Variants in CDH12 observed in about 807,000 individuals in gnomAD.
The protein encoded by CDH12 is cadherin 12, also known as cadherin-12.
In CDH12, 41 loss-of-function variants were observed where a neutral mutation model predicts 74.1. That is an observed-to-expected ratio of 0.55 (90% confidence interval 0.43 to 0.72). The LOEUF is 0.72. Ranked by LOEUF, CDH12 falls within the 30% of genes least tolerant of loss-of-function variation. The probability of loss-of-function intolerance (pLI) is 0.00; values close to 1 mark genes in which losing one functional copy is unlikely to be tolerated. For missense variants in CDH12, 945 were observed against 977.2 expected (o/e 0.97, Z 0.44); for synonymous variants, 399 against 355.0 (o/e 1.12, Z -1.39).
At chr5:21,784,912 T>C (rs1483807197) in intron 10 of CDH12, among the ~76,000 whole-genome samples, 1 of 152,206 alleles carries the variant, frequency 6.6e-6, no homozygotes, top group Admixed American at 6.5e-5. Flanking sequence ...AGGTATACCT[T>C]ATTTCATGGC....
At chr5:22,332,042 A>T (rs927471664) in intron 3 of CDH12, among the ~76,000 whole-genome samples, 5 of 152,302 alleles carry the variant, frequency 3.3e-5, no homozygotes, top group Admixed American at 2.6e-4. Flanking sequence ...CAAATCTAAG[A>T]ATTACTGACC....
At chr5:22,447,875 C>T (rs1428492524) in intron 2 of CDH12, among the ~76,000 whole-genome samples, 1 of 151,072 alleles carries the variant, frequency 6.6e-6, no homozygotes, top group Non-Finnish European at 1.5e-5. Flanking sequence ...AGCATGGTGG[C>T]TCATGCCTGT....
intron 4 of CDH12, among the ~76,000 whole-genome samples, chr5:22,112,854 C>G (rs1744891193): frequency 6.6e-6 from 1 of 152,070 alleles, no homozygotes; most frequent in African/African-American, 2.4e-5. Flanking sequence ...CTAAATGTCT[C>G]TAAGCACAGA....
At chr5:22,267,497 T>G (rs1175229704) in intron 3 of CDH12, among the ~76,000 whole-genome samples, 1 of 152,212 alleles carries the variant, frequency 6.6e-6, no homozygotes, top group Non-Finnish European at 1.5e-5. Context: ...AATATCTCAT[T>G]GCAGACATTT....
intron 5 of CDH12, among the ~76,000 whole-genome samples, chr5:21,979,570 A>T (rs1189328211): frequency 1.3e-5 from 2 of 152,316 alleles, no homozygotes; most frequent in East Asian, 3.9e-4. Flanking sequence ...AAACTACTGC[A>T]CAAAAATAAA....
chr5:22,181,574 A>G (rs867613543), intron 4 of CDH12, among the ~76,000 whole-genome samples: 3 of 151,944 alleles, frequency 2.0e-5, no homozygotes, highest in African/African-American at 2.4e-5. Flanking sequence ...GCTTATTTAT[A>G]TTTTTTTATT....
intron 1 of CDH12, among the ~76,000 whole-genome samples, chr5:22,797,203 A>AAG (rs1561037879): frequency 1.3e-5 from 2 of 150,446 alleles, no homozygotes; most frequent in African/African-American, 5.0e-5. Context: ...AAAAAAAAAA[A>AAG]AAAGATCCAG....
chr5:22,045,272 T>C (rs1256566677), intron 5 of CDH12, among the ~76,000 whole-genome samples: 2 of 152,132 alleles, frequency 1.3e-5, no homozygotes, highest in Non-Finnish European at 2.9e-5. Context: ...ATGGCTATTA[T>C]CAAAAAGACA....
At chr5:21,884,344 A>G (rs1344450116) in intron 6 of CDH12, 5 of 1,007,238 alleles carry the variant, frequency 5.0e-6, no homozygotes, top group Admixed American at 3.4e-5. Flanking sequence ...TTTATTAATG[A>G]ACTGTGACAG....
At chr5:22,819,994 CAT>C (rs1176644093) in intron 1 of CDH12, among the ~76,000 whole-genome samples, 4 of 145,006 alleles carry the variant, frequency 2.8e-5, no homozygotes, top group African/African-American at 5.1e-5. Flanking sequence ...TATACATATA[CAT>C]ATATATACAT....
intron 14 of CDH12, among the ~76,000 whole-genome samples, chr5:21,754,701 A>G (rs1744287550): frequency 6.6e-6 from 1 of 152,074 alleles, no homozygotes. Context: ...TCAGGTGTCC[A>G]TATTTGTCAG....
chr5:22,324,501 A>T (rs931572033), intron 3 of CDH12, among the ~76,000 whole-genome samples: 1 of 151,960 alleles, frequency 6.6e-6, no homozygotes, highest in Non-Finnish European at 1.5e-5. Flanking sequence ...CTAAGTTATC[A>T]TGGTTGTAGA....
At chr5:22,467,067 G>T (rs896170997) in intron 2 of CDH12, among the ~76,000 whole-genome samples, 1 of 151,966 alleles carries the variant, frequency 6.6e-6, no homozygotes, top group Non-Finnish European at 1.5e-5. Flanking sequence ...TTACAAGCGT[G>T]AGCCACCGTG....
chr5:21,960,993 T>A (rs1164284725), intron 6 of CDH12, among the ~76,000 whole-genome samples: 4 of 152,152 alleles, frequency 2.6e-5, no homozygotes, highest in Non-Finnish European at 2.9e-5. Context: ...CCATGTAAAT[T>A]TGATAAAAAT....
chr5:22,655,790 A>T (rs896575808), intron 1 of CDH12, among the ~76,000 whole-genome samples: 2 of 152,132 alleles, frequency 1.3e-5, no homozygotes, highest in Non-Finnish European at 2.9e-5. Flanking sequence ...AGCCACACTG[A>T]TATCTTTAAA....
At chr5:22,362,109 A>G (rs1461331372) in intron 3 of CDH12, among the ~76,000 whole-genome samples, 1 of 152,236 alleles carries the variant, frequency 6.6e-6, no homozygotes, top group Non-Finnish European at 1.5e-5. Flanking sequence ...GACCTTCTGC[A>G]CAGCAAAAGA....
At chr5:22,585,719 AT>A (rs35930938) in intron 1 of CDH12, among the ~76,000 whole-genome samples, 9,109 of 146,846 alleles carry the variant, frequency 0.062, 396 homozygotes, top group East Asian at 0.23. Context: ...ATTTTACTAC[AT>A]TTTTTTTTTA....
intron 4 of CDH12, among the ~76,000 whole-genome samples, chr5:22,165,862 T>C (rs1339161300): frequency 2.6e-5 from 4 of 152,172 alleles, no homozygotes; most frequent in Non-Finnish European, 5.9e-5. Context: ...AGTTTACAAA[T>C]GCCATGGCAA....
At chr5:22,117,510 A>AT (rs1459008427) in intron 4 of CDH12, among the ~76,000 whole-genome samples, 6 of 51,328 alleles carry the variant, frequency 1.2e-4, no homozygotes, top group Admixed American at 2.8e-4. Context: ...TAATATATAT[A>AT]TAATATATAT....
Sources: gnomAD v4.1 joint callset for allele counts (sites outside exome capture counted in the v4.1 genomes callset) on GRCh38, gnomAD v4.1.1 for gene constraint, MANE v1.5 for transcripts, NCBI Gene and HGNC (gene_info 2026-07-23, HGNC 2026-07-21) for gene names.